Variants in VPS13A observed in about 807,000 individuals in gnomAD.
The protein encoded by VPS13A is intermembrane lipid transfer protein VPS13A.
VPS13A carries 264 observed loss-of-function variants against 390.9 expected under a neutral mutation model. That is an observed-to-expected ratio of 0.68 (90% CI 0.61 to 0.75). The LOEUF (loss-of-function observed/expected upper bound fraction) is 0.75, where lower values mean the gene tolerates loss of function less well. Among genes scored for constraint, VPS13A ranks in the 30% least tolerant of loss-of-function variants. VPS13A has a pLI of 0.00. For synonymous variants in VPS13A, 1,231 were observed against 1,227.1 expected (o/e 1.00, Z -0.07); for missense variants, 3,409 against 3,733.9 (o/e 0.91, Z 2.27).
At chr9:77,351,508 G>A in intron 53 of VPS13A, 62 bp downstream of exon 53, 1 of 1,589,428 alleles carries the variant, frequency 6.3e-7, no homozygotes, top group Non-Finnish European at 8.6e-7. Context: ...TTTGGGCCGG[G>A]TGCGGTGGCT....
intron 54 of VPS13A, 109 bp from the exon 55 acceptor site, chr9:77,356,599 AATTGAG>A (rs1831792622): frequency 8.6e-7 from 1 of 1,156,548 alleles, no homozygotes; most frequent in African/African-American, 1.5e-5. Context: ...GCTCACTTGT[AATTGAG>A]GCTGTTCTGA....
chr9:77,364,847 C>T (rs1832349290), intron 59 of VPS13A, among the ~76,000 whole-genome samples: 1 of 152,140 alleles, frequency 6.6e-6, no homozygotes, highest in Non-Finnish European at 1.5e-5. Flanking sequence ...GAGCTTCCCA[C>T]TGTCATTTCA....
intron 13 of VPS13A, among the ~76,000 whole-genome samples, chr9:77,225,053 A>G (rs950931548): frequency 1.3e-5 from 2 of 152,156 alleles, no homozygotes; most frequent in African/African-American, 4.8e-5. Flanking sequence ...TAAGGTATTT[A>G]TGTTGTTTTC....
intron 34 of VPS13A, among the ~76,000 whole-genome samples, chr9:77,306,414 T>TGTG (rs1828752881): frequency 3.5e-5 from 5 of 140,878 alleles, no homozygotes; most frequent in East Asian, 2.1e-4. Context: ...GTGTGTGTGT[T>TGTG]TGTGTGTGTG....
At chr9:77,188,262 CT>C (rs1315954978) in intron 1 of VPS13A, among the ~76,000 whole-genome samples, 1 of 152,190 alleles carries the variant, frequency 6.6e-6, no homozygotes, top group Non-Finnish European at 1.5e-5. Flanking sequence ...AATTAAACCT[CT>C]TTTCTTTGTA....
chr9:77,316,122 A>C (rs1470492801), intron 38 of VPS13A, 52 bp from the exon 39 acceptor site: 67 of 968,192 alleles, frequency 6.9e-5, no homozygotes, highest in Non-Finnish European at 9.0e-5. Flanking sequence ...TATAAATAAT[A>C]AATTATTCAT....
intron 7 of VPS13A, 81 bp from the exon 8 acceptor site, chr9:77,212,888 G>A (rs547102692): frequency 1.4e-6 from 2 of 1,421,080 alleles, no homozygotes; most frequent in African/African-American, 1.4e-5. Flanking sequence ...ATTGGTCTAG[G>A]GTATGGTAGA....
At position 77,408,848 on chromosome 9, in the gene VPS13A, C is replaced by A. The variant is rs142635451; in HGVS notation, c.9474+1241C>A. On this transcript the variant is annotated intron_variant, in intron 71 of 71. Coordinates refer to ENST00000360280, the MANE Select transcript of VPS13A (RefSeq NM_033305.3). ...ACAGCTCAAGGAGGCCTGCCTGCCT[C>A]TGTAGACTCCACCTCTGGGGGCAGG... Among the ~76,000 whole-genome samples, 679 of 152,340 alleles carry A rather than the reference C, an allele frequency of 4.5e-3. 7 individuals are homozygous for A. Among genetic ancestry groups the A allele is most frequent in the African/African-American group, 0.015 (644 of 41,598 alleles).
chr9:77,179,596 G>T (rs1485370012), intron 1 of VPS13A, among the ~76,000 whole-genome samples: 1 of 151,758 alleles, frequency 6.6e-6, no homozygotes, highest in African/African-American at 2.4e-5. Flanking sequence ...AAATAAAGCC[G>T]TCATAAACAT....
chr9:77,421,318 A>C lies in VPS13A; in HGVS notation c.*5312A>C, dbSNP rs1835332493. The C allele has an allele frequency of 6.6e-6, 1 of 152,178 alleles. No homozygotes were observed. The highest frequency in any genetic ancestry group is 2.4e-5 in the African/African-American group (1 of 41,438). The allele number at this position is 152,178 out of a possible 1,614,324, so 9.4% of individuals were successfully genotyped here. On this transcript the variant is annotated 3_prime_UTR_variant, in exon 72 of 72. Coordinates refer to ENST00000360280, the MANE Select transcript of VPS13A (RefSeq NM_033305.3). ...CCTCTGCCTTGGTTTTGTGTATTCTAAGATAATTTATAAACACAGATATTT... is the reference window on the plus strand; with the variant it reads ...CCTCTGCCTTGGTTTTGTGTATTCTCAGATAATTTATAAACACAGATATTT...
intron 35 of VPS13A, among the ~76,000 whole-genome samples, chr9:77,308,992 A>G (rs554070680): frequency 1.3e-5 from 2 of 152,246 alleles, no homozygotes; most frequent in Admixed American, 1.3e-4. Flanking sequence ...AATTGTAAAA[A>G]CCCCAAGCAT....
intron 31 of VPS13A, among the ~76,000 whole-genome samples, chr9:77,290,613 G>A (rs1271285933): frequency 6.6e-6 from 1 of 151,266 alleles, no homozygotes; most frequent in African/African-American, 2.4e-5. Flanking sequence ...TGGATGTTCT[G>A]TTCAAGTTTT....
chr9:77,392,933 T>C (rs1016561210), intron 68 of VPS13A, among the ~76,000 whole-genome samples: 1 of 151,930 alleles, frequency 6.6e-6, no homozygotes, highest in African/African-American at 2.4e-5. Context: ...GGGATAGCTG[T>C]GGTAATATCT....
chr9:77,362,538 TG>T (rs1006377079), intron 59 of VPS13A, among the ~76,000 whole-genome samples: 9 of 152,352 alleles, frequency 5.9e-5, no homozygotes, highest in African/African-American at 2.2e-4. Flanking sequence ...GTTTTGAAAT[TG>T]GGACATATGT....
intron 1 of VPS13A, among the ~76,000 whole-genome samples, chr9:77,196,116 A>G (rs1219967519): frequency 2.0e-5 from 3 of 151,654 alleles, no homozygotes; most frequent in African/African-American, 7.3e-5. Context: ...TCCATCTGTT[A>G]TTTCCTTATT....
At position 77,370,652 on chromosome 9, in the gene VPS13A, A is replaced by G. The variant is rs1013158525; in HGVS notation, c.8907+74A>G. The G allele has an allele frequency of 1.9e-6, 3 of 1,589,352 alleles. No homozygotes were observed. The East Asian group carries it at 6.7e-5, about 36-fold the overall frequency. On this transcript the variant is annotated intron_variant, in intron 65 of 71. Coordinates refer to ENST00000360280, the MANE Select transcript of VPS13A (RefSeq NM_033305.3). ...CAAACCTACATTTGCGAATAAGGAA[A>G]TAGACATGATTCTCACTCCTTAAAT...
In VPS13A at chr9:77,341,691, C is replaced by CTTTTTTTTTTTTTTT. The variant is rs57841628; in HGVS notation, c.7026+1156_7026+1170dup. Among the ~76,000 whole-genome samples, 113 of 37,860 alleles carry CTTTTTTTTTTTTTTT rather than the reference C, an allele frequency of 3.0e-3. 13 individuals are homozygous for CTTTTTTTTTTTTTTT. Among genetic ancestry groups the CTTTTTTTTTTTTTTT allele is most frequent in the East Asian group, 5.0e-3 (6 of 1,212 alleles). 24.8% of individuals were successfully genotyped at this position (37,860 alleles called of 152,430 possible). On this transcript the variant is annotated intron_variant, in intron 50 of 71. Coordinates refer to ENST00000360280, the MANE Select transcript of VPS13A (RefSeq NM_033305.3). Reference sequence around the variant, plus strand: ...AGTAAGTTCTACATGGACATCTTTCCTTTTTTTTTTTTTTTTTTTTTTTTT... The same window carrying CTTTTTTTTTTTTTTT: ...AGTAAGTTCTACATGGACATCTTTCCTTTTTTTTTTTTTTTTTTTTTTTTTTTTTTTTTTTTTTTT...
chr9:77,415,569 A>G (rs1398110172), intron 71 of VPS13A, among the ~76,000 whole-genome samples: 2 of 152,210 alleles, frequency 1.3e-5, no homozygotes, highest in Admixed American at 1.3e-4. Context: ...TGTTGCTTCT[A>G]CTACCCTCTC....
intron 44 of VPS13A, among the ~76,000 whole-genome samples, chr9:77,322,071 G>A (rs1253569721): frequency 6.6e-6 from 1 of 151,834 alleles, no homozygotes; most frequent in Non-Finnish European, 1.5e-5. Flanking sequence ...TTAGATGTTT[G>A]TGGGGGTTCT....
Sources: allele counts gnomAD v4.1 joint callset (sites outside exome capture counted in the v4.1 genomes callset), GRCh38; gene constraint gnomAD v4.1.1; transcripts MANE v1.5; gene names NCBI Gene and HGNC (gene_info 2026-07-23, HGNC 2026-07-21).